The following KDM1B variants were observed in gnomAD, a reference collection of about 807,000 sequenced individuals.
The protein encoded by KDM1B is lysine demethylase 1B.
A neutral mutation model predicts 107.4 loss-of-function variants in KDM1B; 63 were observed. The ratio of observed to expected loss-of-function variants is 0.59; its 90% CI spans 0.48 to 0.72. The LOEUF is 0.72. KDM1B is among the 30% of genes least tolerant of loss of function. The probability of loss-of-function intolerance (pLI) is 0.00; values close to 1 mark genes in which losing one functional copy is unlikely to be tolerated. For synonymous variants in KDM1B, 363 were observed against 363.9 expected (o/e 1.00, Z 0.03); for missense variants, 749 against 1,020.8 (o/e 0.73, Z 3.63).
chr6:18,184,367 C>T (rs1431346624), intron 7 of KDM1B, among the ~76,000 whole-genome samples: 1 of 150,968 alleles, frequency 6.6e-6, no homozygotes, highest in South Asian at 2.1e-4. Flanking sequence ...TTCCGCCTTC[C>T]AGGTTCAAGT....
At chr6:18,178,088 G>T (rs1346888586) in intron 7 of KDM1B, among the ~76,000 whole-genome samples, 2 of 151,876 alleles carry the variant, frequency 1.3e-5, no homozygotes, top group Admixed American at 6.6e-5. Flanking sequence ...TTGATTGATT[G>T]ATTTTTTTGT....
chr6:18,204,943 A>T lies in KDM1B; in HGVS notation c.1532-594A>T, dbSNP rs1788275073. On this transcript the variant is annotated intron_variant, in intron 14 of 21. Transcript: ENST00000650836. This position sits in a 1 kb window ranked among gnomAD's most constrained non-coding sequence, Gnocchi z 4.9. ...AGCTGCTGCCTTTGGAAAGATTAAA[A>T]TGTGCTAGCTTTGCCTGGCTGTGGT... Among the ~76,000 whole-genome samples the T allele has an allele frequency of 6.6e-6, 1 of 152,238 alleles. No individual in the cohort carries two copies.
chr6:18,176,717 T>A (rs1330217384), intron 7 of KDM1B, among the ~76,000 whole-genome samples: 1 of 152,184 alleles, frequency 6.6e-6, no homozygotes, highest in Non-Finnish European at 1.5e-5. Flanking sequence ...GATGATCATG[T>A]GATTTTTGTT....
At chr6:18,171,109 T>C (rs950424607) in intron 6 of KDM1B, among the ~76,000 whole-genome samples, 39 of 152,172 alleles carry the variant, frequency 2.6e-4, no homozygotes, top group South Asian at 4.1e-4. Context: ...CGTGAGCCAC[T>C]GCACCTGGCC....
chr6:18,192,020 A>T (rs1787310398), intron 10 of KDM1B, among the ~76,000 whole-genome samples: 1 of 152,174 alleles, frequency 6.6e-6, no homozygotes, highest in South Asian at 2.1e-4. Context: ...GCACTTTGGG[A>T]GGCTGAGGCA....
intron 5 of KDM1B, among the ~76,000 whole-genome samples, chr6:18,165,758 G>T (rs1261043674): frequency 6.6e-6 from 1 of 152,196 alleles, no homozygotes; most frequent in Admixed American, 6.5e-5. Flanking sequence ...GGAGGTGGAG[G>T]TTGCAGTGAG....
At chr6:18,195,293 T>G (rs1208281129) in intron 10 of KDM1B, among the ~76,000 whole-genome samples, 21 of 152,192 alleles carry the variant, frequency 1.4e-4, no homozygotes. Flanking sequence ...TACTAAGGAT[T>G]GGAATTACTG....
At chr6:18,210,370 T>G (rs1788776174) in intron 17 of KDM1B, among the ~76,000 whole-genome samples, 1 of 107,208 alleles carries the variant, frequency 9.3e-6, no homozygotes, top group Non-Finnish European at 2.1e-5. Flanking sequence ...TTTTTTTTTT[T>G]TTGTTTTACA....
intron 10 of KDM1B, among the ~76,000 whole-genome samples, chr6:18,192,381 TAAAG>T (rs1787336685): frequency 6.6e-6 from 1 of 152,212 alleles, no homozygotes. Flanking sequence ...TGATCTTGAC[TAAAG>T]AAAGATATGC....
rs1230926927 is a variant in KDM1B, at chr6:18,201,435, A to G, written c.1360-51A>G. The G allele has an allele frequency of 4.7e-5, 65 of 1,369,908 alleles. No homozygotes were observed. Among genetic ancestry groups the G allele is most frequent in the Non-Finnish European group, 6.2e-5 (62 of 1,004,090 alleles). The allele number at this position is 1,369,908 out of a possible 1,614,324, so 84.9% of individuals were successfully genotyped here. A position where few individuals can be genotyped will look rare whatever the true frequency, so the allele number is the denominator to read the frequency against. ...CTGATTTTCAGCTTAGAACCTGTAAATATTTTTTTCCAGGGAAAATTTTCA... is the reference window on the plus strand; with the variant it reads ...CTGATTTTCAGCTTAGAACCTGTAAGTATTTTTTTCCAGGGAAAATTTTCA... On this transcript the variant is annotated intron_variant, in intron 13 of 21. Coordinates refer to ENST00000650836, the MANE Select transcript of KDM1B (RefSeq NM_001364614.2). This position sits in a 1 kb window ranked among gnomAD's most constrained non-coding sequence, Gnocchi z 4.3.
At chr6:18,193,159 C>T (rs1171048631) in intron 10 of KDM1B, among the ~76,000 whole-genome samples, 1 of 138,296 alleles carries the variant, frequency 7.2e-6, no homozygotes, top group Non-Finnish European at 1.5e-5. Flanking sequence ...CACACCATTG[C>T]ACTCCAGCCT....
chr6:18,161,530 T>TAGGA, intron 4 of KDM1B, 76 bp downstream of exon 4: 1 of 1,507,038 alleles, frequency 6.6e-7, no homozygotes, highest in South Asian at 1.2e-5. Context: ...TCCTTGTAGA[T>TAGGA]AGTTTTCCTA....
rs1789354073 is a variant in KDM1B at position 18,217,660 on chromosome 6, G to A, written c.2233-73G>A. The A allele has an allele frequency of 3.8e-6, 5 of 1,304,008 alleles. No individual in the cohort carries two copies. In the East Asian group the frequency reaches 9.3e-5, roughly 24 times the overall value. 80.8% of individuals were successfully genotyped at this position (1,304,008 alleles called of 1,614,324 possible). ...CCAAAGTGCTGGGATGGGACTACAG[G>A]CATGAGTCACTGCGCCCTGCCATCT... On this transcript the variant is annotated intron_variant, in intron 20 of 21. Transcript: ENST00000650836.
chr6:18,163,956 C>CAT lies in KDM1B; in HGVS notation c.305+1048_305+1049dup, dbSNP rs56797116. ...AGTTGATTGATAGTGCAGTTCAGGT[C>CAT]ATATATATATATATATACACACACA... On this transcript the variant is annotated intron_variant, in intron 5 of 21. Coordinates refer to ENST00000650836, the MANE Select transcript of KDM1B (RefSeq NM_001364614.2). Among the ~76,000 whole-genome samples the CAT allele has an allele frequency of 4.9e-3, 740 of 151,598 alleles. 4 individuals carry two copies. Among genetic ancestry groups the CAT allele is most frequent in the Middle Eastern group, 6.8e-3 (2 of 292 alleles).
intron 3 of KDM1B, 97 bp from the exon 4 acceptor site, chr6:18,161,230 A>G (rs922141774): frequency 1.5e-5 from 17 of 1,121,612 alleles, no homozygotes; most frequent in Non-Finnish European, 2.2e-5. Flanking sequence ...TTTGACCTTC[A>G]TGTTTAGAAC....
chr6:18,177,133 C>G (rs753758875), intron 7 of KDM1B, among the ~76,000 whole-genome samples: 3 of 152,176 alleles, frequency 2.0e-5, no homozygotes, highest in Non-Finnish European at 4.4e-5. Flanking sequence ...ATTACCATTT[C>G]AATCTCACTA....
chr6:18,173,684 G>A lies in KDM1B; in HGVS notation c.534+2205G>A, dbSNP rs188911996. On this transcript the variant is annotated intron_variant, in intron 7 of 21. Transcript: ENST00000650836. ...TTTTTTGTTTTTGATGTGAGAGGTA[G>A]GCCAACATTCAATTTTTTCCATACA... Among the ~76,000 whole-genome samples the A allele has an allele frequency of 2.9e-3, 447 of 152,060 alleles. 4 individuals are homozygous for A. The highest frequency in any genetic ancestry group is 0.018 in the South Asian group (87 of 4,822).
chr6:18,188,576 G>A (rs1483835195), intron 9 of KDM1B, among the ~76,000 whole-genome samples: 2 of 152,090 alleles, frequency 1.3e-5, no homozygotes, highest in African/African-American at 4.8e-5. Flanking sequence ...CAAAAAAACT[G>A]CAGAGCAGGC....
intron 8 of KDM1B, 127 bp from the exon 9 acceptor site, chr6:18,187,665 C>A: frequency 1.8e-6 from 1 of 544,274 alleles, no homozygotes. Context: ...ATTGTTAAGT[C>A]TGAGCAAGAA....
Sources: allele counts gnomAD v4.1 joint callset (sites outside exome capture counted in the v4.1 genomes callset), GRCh38; gene constraint gnomAD v4.1.1; non-coding constraint Gnocchi (gnomAD v3.1); transcripts MANE v1.5; gene names NCBI Gene and HGNC (gene_info 2026-07-23, HGNC 2026-07-21).